The following LAT2 variants were observed in gnomAD, a reference collection of about 807,000 sequenced individuals.
The protein encoded by LAT2 is linker for activation of T-cells family member 2.
LAT2 carries 23 observed loss-of-function variants against 43.4 expected under a neutral mutation model. The observed-to-expected ratio is 0.53, with a 90% CI of 0.38 to 0.75. LAT2 has a LOEUF of 0.75. Among genes scored for constraint, LAT2 ranks in the 30% least tolerant of loss-of-function variants. LAT2 has a pLI of 0.00. For missense variants in LAT2, 284 were observed against 310.2 expected (o/e 0.92, Z 0.64); for synonymous variants, 128 against 123.2 (o/e 1.04, Z -0.26).
At chr7:74,224,998 G>A (rs1183773554) in intron 13 of LAT2, 1 of 370,288 alleles carries the variant, frequency 2.7e-6, no homozygotes, top group Non-Finnish European at 5.0e-6. Flanking sequence ...GGCACCGGGT[G>A]GGTCTCCCAA....
chr7:74,223,983 C>A, intron 11 of LAT2, 35 bp from the exon 12 acceptor site: 1 of 1,602,282 alleles, frequency 6.2e-7, no homozygotes. Flanking sequence ...CTCTGTGGGA[C>A]TGAGCCAAGG....
At chr7:74,226,666 C>A (rs1266703641) in intron 13 of LAT2, among the ~76,000 whole-genome samples, 1 of 152,006 alleles carries the variant, frequency 6.6e-6, no homozygotes, top group Non-Finnish European at 1.5e-5. Flanking sequence ...ACAACAACAA[C>A]AACAAGAAAA....
intron 4 of LAT2, among the ~76,000 whole-genome samples, chr7:74,217,693 C>T (rs367627079): frequency 2.0e-5 from 3 of 152,206 alleles, no homozygotes; most frequent in Non-Finnish European, 1.5e-5. Context: ...GCAGTGGGTT[C>T]GACACTGCAG....
Position 74,224,212 on chromosome 7 carries a change from G to A in LAT2, c.628+15G>A, listed in dbSNP as rs1554715749. On this transcript the variant is annotated intron_variant, in intron 12 of 13. Transcript: ENST00000460943. The stretch of plus-strand genomic sequence containing the variant: ...GAAGGTCATGGGTAGGTGGCCGGGA[G>A]AAGAGGCAGGGTGGTCCACTTAGGG... 10 of 1,610,082 alleles carry A rather than the reference G, an allele frequency of 6.2e-6. No individual in the cohort carries two copies. In the South Asian group the frequency reaches 8.8e-5, roughly 14 times the overall value.
intron 1 of LAT2, among the ~76,000 whole-genome samples, chr7:74,212,589 G>A (rs1554713304): frequency 6.6e-6 from 1 of 152,106 alleles, no homozygotes; most frequent in African/African-American, 2.4e-5. Flanking sequence ...TCATTTTATA[G>A]ATGAGAAAAC....
At chr7:74,222,377 G>A (rs1466947154) in intron 10 of LAT2, among the ~76,000 whole-genome samples, 25 of 150,566 alleles carry the variant, frequency 1.7e-4, no homozygotes, top group Non-Finnish European at 2.8e-4. Context: ...CTCCAGCCTG[G>A]GCAACAGAGT....
At chr7:74,218,863 A>C (rs111696110) in intron 4 of LAT2, among the ~76,000 whole-genome samples, 3,333 of 150,186 alleles carry the variant, frequency 0.022, 113 homozygotes, top group African/African-American at 0.075. Flanking sequence ...TGCCCAGCTA[A>C]TTTTTGTATT....
In LAT2 at chr7:74,219,985, C is replaced by T; in HGVS notation, c.204C>T (p.Pro68=). The part of the protein sequence containing the change: ...YSLVGQAWPG[P]LADMAPTRKD... ...TGGTCGGGCAGGCATGGCCAGGACC[C>T]CTGGCGGACATGGCACCCACAAGGT... The change falls in exon 6 of 14, where the codon CCC becomes CCT. Residue 68 remains proline, a synonymous_variant. Coordinates refer to ENST00000460943, the MANE Select transcript of LAT2 (RefSeq NM_032464.3). 1 of 1,613,688 alleles carries T rather than the reference C, an allele frequency of 6.2e-7. No individual in the cohort carries two copies. The highest frequency in any genetic ancestry group is 8.5e-7 in the Non-Finnish European group (1 of 1,179,986).
intron 2 of LAT2, among the ~76,000 whole-genome samples, chr7:74,215,718 A>G (rs3817648): frequency 0.28 from 42,454 of 152,058 alleles, 6,041 homozygotes; most frequent in Admixed American, 0.3. Context: ...GGCCCCCAGA[A>G]CCTTCCAGCA....
intron 1 of LAT2, among the ~76,000 whole-genome samples, chr7:74,211,838 C>T (rs916013795): frequency 1.3e-5 from 2 of 151,852 alleles, no homozygotes; most frequent in African/African-American, 4.8e-5. Flanking sequence ...ATGATTTGCC[C>T]GCCTCAGCCT....
At chr7:74,214,443 T>A (rs1243406511) in intron 1 of LAT2, among the ~76,000 whole-genome samples, 5 of 59,720 alleles carry the variant, frequency 8.4e-5, no homozygotes, top group African/African-American at 3.7e-4. Flanking sequence ...AATATATATA[T>A]AAATATATAT....
intron 13 of LAT2, among the ~76,000 whole-genome samples, chr7:74,226,799 C>T (rs1308901577): frequency 2.0e-5 from 3 of 152,094 alleles, no homozygotes; most frequent in African/African-American, 4.8e-5. Context: ...TTAAGGAAGG[C>T]GGCTAGGGAA....
Position 74,211,656 on chromosome 7 carries a change from G to A in LAT2, c.-219+1568G>A, listed in dbSNP as rs556250099. Among the ~76,000 whole-genome samples the A allele has an allele frequency of 3.3e-5, 5 of 151,910 alleles. No individual in the cohort carries two copies. The South Asian group carries it at 6.2e-4, about 19-fold the overall frequency. On this transcript the variant is annotated intron_variant, in intron 1 of 13. Coordinates refer to ENST00000460943, the MANE Select transcript of LAT2 (RefSeq NM_032464.3). ...GTATTTTTAGTAGAGACGGGGTTTC[G>A]CCATGTTAGCCAGGATGGTCTCAAT...
chr7:74,212,789 A>G (rs1801774630), intron 1 of LAT2, among the ~76,000 whole-genome samples: 1 of 152,168 alleles, frequency 6.6e-6, no homozygotes, highest in Non-Finnish European at 1.5e-5. Flanking sequence ...CAGGCGGGCC[A>G]TGGGGAAGAG....
intron 4 of LAT2, 47 bp from the exon 5 acceptor site, chr7:74,219,697 G>A (rs1584219139): frequency 1.9e-6 from 3 of 1,612,016 alleles, no homozygotes; most frequent in Admixed American, 3.3e-5. Context: ...GTGTTCTTGG[G>A]CTGTGGGAGT....
At chr7:74,214,281 A>T (rs376450103) in intron 1 of LAT2, among the ~76,000 whole-genome samples, 1 of 84,422 alleles carries the variant, frequency 1.2e-5, no homozygotes, top group South Asian at 3.6e-4. Context: ...TATATATATA[A>T]ATATATATAT....
chr7:74,217,379 C>T (rs545471607), intron 4 of LAT2, among the ~76,000 whole-genome samples: 24 of 151,718 alleles, frequency 1.6e-4, no homozygotes, highest in African/African-American at 5.8e-4. Flanking sequence ...TGCAGAGAGC[C>T]GAGATTGTGC....
chr7:74,211,602 C>T (rs573826244), intron 1 of LAT2, among the ~76,000 whole-genome samples: 33 of 152,022 alleles, frequency 2.2e-4, no homozygotes, highest in African/African-American at 7.7e-4. Context: ...AGACTAGAGG[C>T]GCCTGCCACC....
At chr7:74,211,829 T>A (rs1254480701) in intron 1 of LAT2, among the ~76,000 whole-genome samples, 2 of 152,006 alleles carry the variant, frequency 1.3e-5, no homozygotes, top group African/African-American at 2.4e-5. Context: ...TGACCTCAGA[T>A]GATTTGCCCG....
Sources: allele counts gnomAD v4.1 joint callset (sites outside exome capture counted in the v4.1 genomes callset), GRCh38; gene constraint gnomAD v4.1.1; transcripts MANE v1.5; gene names NCBI Gene and HGNC (gene_info 2026-07-23, HGNC 2026-07-21).